Variants in SOX30 observed in about 807,000 individuals in gnomAD.
The protein encoded by SOX30 is SRY-box transcription factor 30.
Under a neutral mutation model 58.6 loss-of-function variants are expected in SOX30, and 17 were observed. That is an observed-to-expected ratio of 0.29 (90% CI 0.20 to 0.44). The LOEUF is 0.44. Ranked by LOEUF, SOX30 falls within the 20% of genes least tolerant of loss-of-function variation. SOX30 has a pLI of 1.00. For synonymous variants in SOX30, 421 were observed against 400.2 expected, an observed-to-expected ratio of 1.05 and a Z score of -0.62; for missense variants, 951 against 965.8, an observed-to-expected ratio of 0.98 and a Z score of 0.20.
At chr5:157,656,263 G>A (rs987128323), upstream of SOX30, among the ~76,000 whole-genome samples, 1 of 152,132 alleles carries the variant, frequency 6.6e-6, no homozygotes, top group African/African-American at 2.4e-5. Context: ...AACATATAAT[G>A]CCTTTTATAT....
chr5:157,640,447 T>C (rs1759035098), intron 3 of SOX30, among the ~76,000 whole-genome samples: 1 of 152,042 alleles, frequency 6.6e-6, no homozygotes, highest in Non-Finnish European at 1.5e-5. Flanking sequence ...CGAGACAGGG[T>C]AGTGGGGTGG....
chr5:157,644,943 T>C (rs933252477), intron 3 of SOX30, among the ~76,000 whole-genome samples: 3 of 152,134 alleles, frequency 2.0e-5, no homozygotes, highest in African/African-American at 7.2e-5. Context: ...ATCGCGCCAC[T>C]ACACTCCATC....
chr5:157,653,847 A>G (rs1310921553), upstream of SOX30, among the ~76,000 whole-genome samples: 1 of 152,170 alleles, frequency 6.6e-6, no homozygotes, highest in Admixed American at 6.5e-5. Flanking sequence ...TTTTATCTCA[A>G]GAACTCATTA....
intron 4 of SOX30, among the ~76,000 whole-genome samples, chr5:157,628,483 C>G (rs11954649): frequency 0.01 from 1,525 of 151,810 alleles, 29 homozygotes; most frequent in African/African-American, 0.036. Context: ...AACTCTGAAA[C>G]TATGCCCTAC....
In SOX30 at chr5:157,651,647, G is replaced by C. The variant is rs1308962771; in HGVS notation, c.432C>G (p.Pro144=). The C allele has an allele frequency of 6.2e-7, 1 of 1,612,158 alleles. No individual in the cohort carries two copies. Among genetic ancestry groups the C allele is most frequent in the East Asian group, 2.2e-5 (1 of 44,856 alleles). Residue 144 remains proline, a synonymous_variant, in exon 1 of 5, where the codon CCC becomes CCG. Coordinates refer to ENST00000265007, the MANE Select transcript of SOX30 (RefSeq NM_178424.2). The part of the protein sequence containing the change: ...HVKAKKQKLG[P]SLDQSVGPRG... ...GAGGCCCCACTGACTGATCCAGGCT[G>C]GGCCCCAGCTTCTGCTTCTTGGCCT...
At chr5:157,652,862 A>G (rs1329927040), upstream of SOX30, among the ~76,000 whole-genome samples, 3 of 152,024 alleles carry the variant, frequency 2.0e-5, no homozygotes, top group Non-Finnish European at 4.4e-5. Flanking sequence ...TTGCCCCACT[A>G]CACTCCAGCT....
upstream of SOX30, among the ~76,000 whole-genome samples, chr5:157,654,033 G>A (rs1247922792): frequency 6.6e-6 from 1 of 152,100 alleles, no homozygotes; most frequent in African/African-American, 2.4e-5. Flanking sequence ...GGGCATGGTG[G>A]CACATGCCTG....
intron 4 of SOX30, among the ~76,000 whole-genome samples, chr5:157,636,053 C>T (rs1180360552): frequency 2.0e-5 from 3 of 152,128 alleles, no homozygotes; most frequent in Non-Finnish European, 4.4e-5. Flanking sequence ...GAATATTATA[C>T]CCAAGTCACA....
intron 4 of SOX30, 127 bp from the exon 5 acceptor site, chr5:157,626,848 T>A: frequency 2.0e-6 from 2 of 1,000,614 alleles, no homozygotes; most frequent in Non-Finnish European, 2.8e-6. Flanking sequence ...ACACTTCATG[T>A]ATTCCTCTGC....
chr5:157,668,409 G>A (rs1332386036), intron 1 of SOX30, among the ~76,000 whole-genome samples: 1 of 152,194 alleles, frequency 6.6e-6, no homozygotes, highest in Non-Finnish European at 1.5e-5. Flanking sequence ...TTGTCAGGGA[G>A]CAGGGGGAGG....
Position 157,651,888 on chromosome 5 carries a change from T to C in SOX30, c.191A>G (p.Gln64Arg), listed in dbSNP as rs1397242392. 2 of 1,544,692 alleles carry C rather than the reference T, an allele frequency of 1.3e-6. No homozygotes were observed. The highest frequency in any genetic ancestry group is 1.7e-6 in the Non-Finnish European group (2 of 1,150,476). Reference protein sequence around the residue: ...SCGEAVASGLQPAVRRLLQVK... With the variant: ...SCGEAVASGLRPAVRRLLQVK... The stretch of plus-strand genomic sequence containing the variant: ...CTGCAGCAGCCGCCGCACCGCGGGC[T>C]GTAAGCCGGACGCCACTGCCTCCCC... The change falls in exon 1 of 5, where the codon CAG (glutamine) becomes CGG (arginine). Residue 64 changes from glutamine to arginine, a missense_variant. Gln to Arg is a conservative substitution (Grantham distance 43). This residue lies in a region of SOX30 where 363 missense variants were observed against 294.5 expected (regional missense o/e 1.23). Transcript: ENST00000265007.
chr5:157,651,862 C>T lies in SOX30; in HGVS notation c.217G>A (p.Val73Met). ...LQPAVRRLLQ[V>M]KPEQVLLLPQ... Reference sequence around the variant, plus strand: ...AGCAGCAACACCTGCTCTGGCTTCACCTGCAGCAGCCGCCGCACCGCGGGC... The same window carrying T: ...AGCAGCAACACCTGCTCTGGCTTCATCTGCAGCAGCCGCCGCACCGCGGGC... The change falls in exon 1 of 5, where the codon GTG becomes ATG. Residue 73 changes from valine to methionine, a missense_variant. Coordinates refer to ENST00000265007, the MANE Select transcript of SOX30 (RefSeq NM_178424.2). The T allele has an allele frequency of 1.3e-6, 2 of 1,565,026 alleles. No homozygotes were observed. Among genetic ancestry groups the T allele is most frequent in the Non-Finnish European group, 8.6e-7 (1 of 1,160,366 alleles).
rs1184646919 is a variant in SOX30 at position 157,651,370 on chromosome 5, G to A, written c.709C>T (p.His237Tyr). The change falls in exon 1 of 5, where the codon CAT (histidine) becomes TAT (tyrosine). Residue 237 changes from histidine (H) to tyrosine (Y), a missense_variant. By Grantham distance (83) the His-to-Tyr change is moderately conservative (BLOSUM62 2). Coordinates refer to ENST00000265007, the MANE Select transcript of SOX30 (RefSeq NM_178424.2). ...GAEPASNGLV[H>Y]GSAEVILAPT... is the part of the protein sequence containing the mutation. ...GCCAAGATGACCTCCGCGCTGCCAT[G>A]AACCAGGCCATTGGACGCGGGCTCC... is the stretch of plus-strand genomic sequence containing the variant. 1 of 1,613,796 alleles carries A rather than the reference G, an allele frequency of 6.2e-7. No homozygotes were observed.
At chr5:157,629,033 G>T (rs1372885824) in intron 4 of SOX30, among the ~76,000 whole-genome samples, 2 of 152,274 alleles carry the variant, frequency 1.3e-5, no homozygotes, top group Admixed American at 6.5e-5. Flanking sequence ...ATGAAAAGAG[G>T]CTGACTATGG....
Position 157,651,298 on chromosome 5 carries a change from G to C in SOX30, c.781C>G (p.Pro261Ala), listed in dbSNP as rs1254682721. 1 of 1,614,012 alleles carries C rather than the reference G, an allele frequency of 6.2e-7. No individual in the cohort carries two copies. The highest frequency in any genetic ancestry group is 8.5e-7 in the Non-Finnish European group (1 of 1,180,044). ...GGGGGGACCGTGTGGAGCGTCAAAG[G>C]GATCCTAAGGTCTTGCTGGTGCGGC... Reference protein sequence around the residue: ...FGPHQQDLRIPLTLHTVPPGA... With the variant: ...FGPHQQDLRIALTLHTVPPGA... The change falls in exon 1 of 5, where the codon CCT becomes GCT. Residue 261 changes from proline to alanine, a missense_variant. This residue lies in a region of SOX30 where 84 missense variants were observed against 68.2 expected (regional missense o/e 1.23). Transcript: ENST00000265007.
At chr5:157,667,489 T>C (rs1257130147) in intron 2 of SOX30, among the ~76,000 whole-genome samples, 3 of 152,156 alleles carry the variant, frequency 2.0e-5, no homozygotes, top group Non-Finnish European at 2.9e-5. Flanking sequence ...TCCCAGCACT[T>C]TGGGAGGCCA....
chr5:157,643,333 T>C (rs770608939), intron 3 of SOX30, among the ~76,000 whole-genome samples: 10 of 152,086 alleles, frequency 6.6e-5, no homozygotes, highest in Non-Finnish European at 1.0e-4. Flanking sequence ...GGCAGGAAAA[T>C]CACTTGAACC....
chr5:157,665,305 G>A (rs907646711), intron 2 of SOX30, among the ~76,000 whole-genome samples: 11 of 152,136 alleles, frequency 7.2e-5, no homozygotes, highest in African/African-American at 2.7e-4. Flanking sequence ...GTAGGGACAT[G>A]GATGAAGCTG....
intron 4 of SOX30, among the ~76,000 whole-genome samples, chr5:157,634,079 TGTTA>T (rs1758869899): frequency 6.6e-6 from 1 of 152,200 alleles, no homozygotes; most frequent in Admixed American, 6.5e-5. Context: ...AGGAATAAGA[TGTTA>T]GCCCCAGAGA....
Sources: gnomAD v4.1 joint callset for allele counts (sites outside exome capture counted in the v4.1 genomes callset) on GRCh38, gnomAD v4.1.1 for gene constraint, gnomAD v4.1.1 regional missense constraint, MANE v1.5 for transcripts, NCBI Gene and HGNC (gene_info 2026-07-23, HGNC 2026-07-21) for gene names.